Variants in CAB39 observed in about 807,000 individuals in gnomAD.
CAB39 encodes calcium-binding protein 39.
Under a neutral mutation model 40.0 loss-of-function variants are expected in CAB39, and 8 were observed. The observed-to-expected ratio is 0.20, with a 90% CI of 0.12 to 0.36. The LOEUF (loss-of-function observed/expected upper bound fraction) is 0.36, where lower values mean the gene tolerates loss of function less well. Among genes scored for constraint, CAB39 ranks in the 10% least tolerant of loss-of-function variants. CAB39 has a pLI of 1.00. For missense variants in CAB39, 270 were observed against 401.1 expected (o/e 0.67, Z 2.79); for synonymous variants, 156 against 141.6 (o/e 1.10, Z -0.72).
chr2:230,796,105 C>A (rs1436168586), intron 4 of CAB39, among the ~76,000 whole-genome samples: 1 of 152,140 alleles, frequency 6.6e-6, no homozygotes, highest in Non-Finnish European at 1.5e-5. Context: ...CGTAGGATGA[C>A]CATCTTGCTC....
intron 4 of CAB39, among the ~76,000 whole-genome samples, chr2:230,794,264 C>T (rs1048533311): frequency 1.3e-5 from 2 of 152,122 alleles, no homozygotes; most frequent in Admixed American, 6.5e-5. Context: ...TGCACGCCAG[C>T]GTTCTGTTTC....
At chr2:230,767,196 A>G (rs1445605519) in intron 2 of CAB39, among the ~76,000 whole-genome samples, 4 of 152,240 alleles carry the variant, frequency 2.6e-5, no homozygotes, top group East Asian at 1.9e-4. Context: ...GCATACTTCA[A>G]AACCTGTTCC....
intron 2 of CAB39, among the ~76,000 whole-genome samples, chr2:230,783,235 G>A (rs1695725129): frequency 6.6e-6 from 1 of 152,172 alleles, no homozygotes; most frequent in Admixed American, 6.5e-5. Context: ...TGAGACCCAA[G>A]CTCTGGACAT....
intron 2 of CAB39, among the ~76,000 whole-genome samples, chr2:230,775,142 T>C (rs540126914): frequency 1.4e-4 from 21 of 152,270 alleles, no homozygotes; most frequent in Admixed American, 1.4e-3. Context: ...TGTTAAAGAT[T>C]GGGTTTAAAG....
intron 3 of CAB39, among the ~76,000 whole-genome samples, chr2:230,792,634 T>C (rs748085982): frequency 1.3e-5 from 2 of 152,260 alleles, no homozygotes; most frequent in Non-Finnish European, 2.9e-5. Flanking sequence ...TCTGAACTAC[T>C]GTATCATGTG....
intron 5 of CAB39, among the ~76,000 whole-genome samples, chr2:230,803,216 T>G (rs1361232883): frequency 6.6e-6 from 1 of 152,208 alleles, no homozygotes; most frequent in Non-Finnish European, 1.5e-5. Context: ...CCTTTCGTGC[T>G]AAAAACTCTC....
At chr2:230,766,006 G>C (rs1289334891) in intron 2 of CAB39, among the ~76,000 whole-genome samples, 1 of 152,192 alleles carries the variant, frequency 6.6e-6, no homozygotes, top group African/African-American at 2.4e-5. Context: ...TGCTGAAATA[G>C]TTTAAGACTA....
chr2:230,788,735 A>G (rs750982244), intron 2 of CAB39, among the ~76,000 whole-genome samples: 1 of 152,196 alleles, frequency 6.6e-6, no homozygotes, highest in Non-Finnish European at 1.5e-5. Context: ...TTCCTCCACT[A>G]TCTTTTGACT....
At chr2:230,802,399 T>C (rs1403521029) in intron 5 of CAB39, among the ~76,000 whole-genome samples, 2 of 151,732 alleles carry the variant, frequency 1.3e-5, no homozygotes, top group Non-Finnish European at 2.9e-5. Flanking sequence ...AGGCAAGAAA[T>C]AACTAAGATC....
At chr2:230,761,334 C>T (rs956940160) in intron 2 of CAB39, among the ~76,000 whole-genome samples, 9 of 152,070 alleles carry the variant, frequency 5.9e-5, no homozygotes, top group Non-Finnish European at 1.2e-4. Context: ...TATATGCTAC[C>T]GATAAGCAGT....
At chr2:230,784,411 C>T (rs1466087607) in intron 2 of CAB39, among the ~76,000 whole-genome samples, 1 of 152,128 alleles carries the variant, frequency 6.6e-6, no homozygotes, top group Non-Finnish European at 1.5e-5. Context: ...AGATAGGAAT[C>T]TATGAGGCAT....
intron 1 of CAB39, among the ~76,000 whole-genome samples, chr2:230,739,644 G>A (rs1050642806): frequency 2.6e-5 from 4 of 152,144 alleles, no homozygotes; most frequent in Non-Finnish European, 4.4e-5. Context: ...ACAGGCATGC[G>A]CCACCACGCC....
rs1352977879 is a variant in CAB39, at chr2:230,748,830, AAATATATATATATATAT to A, written c.-43-11127_-43-11111del. Among the ~76,000 whole-genome samples the A allele has an allele frequency of 8.3e-4, 42 of 50,658 alleles. 2 individuals carry two copies. Among genetic ancestry groups the A allele is most frequent in the South Asian group, 5.3e-3 (9 of 1,686 alleles). The allele number at this position is 50,658 out of a possible 152,430, so 33.2% of individuals were successfully genotyped here. A position where few individuals can be genotyped will look rare whatever the true frequency, so the allele number is the denominator to read the frequency against. On this transcript the variant is annotated intron_variant, in intron 1 of 8. Transcript: ENST00000258418. Reference sequence around the variant, plus strand: ...TCCAAAAAGAAAAAAAAAAAAAAAAAAATATATATATATATATATATATATATATATATATATAACAA... The same window carrying A: ...TCCAAAAAGAAAAAAAAAAAAAAAAAATATATATATATATATATATAACAA...
rs1559622538 is a variant in CAB39 at position 230,820,325 on chromosome 2, GTTTTAAACCTTC to G, written c.*1622_*1633del. 1 of 152,150 alleles carries G rather than the reference GTTTTAAACCTTC, an allele frequency of 6.6e-6. No homozygotes were observed. The highest frequency in any genetic ancestry group is 1.5e-5 in the Non-Finnish European group (1 of 68,034). The allele number at this position is 152,150 out of a possible 1,614,324, so 9.4% of individuals were successfully genotyped here. On this transcript the variant is annotated 3_prime_UTR_variant, in exon 9 of 9. Coordinates refer to ENST00000258418, the MANE Select transcript of CAB39 (RefSeq NM_016289.4). Reference sequence around the variant, plus strand: ...GGCCTCCCAATTGCTGTTTCAGCAGGTTTTAAACCTTCAGGAACACCAGTTAGGAAAATAGCT... The same window carrying G: ...GGCCTCCCAATTGCTGTTTCAGCAGGAGGAACACCAGTTAGGAAAATAGCT...
chr2:230,772,210 G>A (rs1695493664), intron 2 of CAB39, among the ~76,000 whole-genome samples: 1 of 152,112 alleles, frequency 6.6e-6, no homozygotes, highest in South Asian at 2.1e-4. Flanking sequence ...AGAATTCTCA[G>A]AATTTAACAG....
intron 5 of CAB39, among the ~76,000 whole-genome samples, chr2:230,800,047 A>G (rs956067374): frequency 1.3e-5 from 2 of 152,110 alleles, no homozygotes; most frequent in African/African-American, 4.8e-5. Flanking sequence ...GAAAATACAT[A>G]TATACACACC....
intron 1 of CAB39, among the ~76,000 whole-genome samples, chr2:230,755,040 G>A (rs1283819090): frequency 1.3e-5 from 2 of 152,016 alleles, no homozygotes; most frequent in Non-Finnish European, 2.9e-5. Context: ...CTGAGTAGTA[G>A]TCCATCATAT....
chr2:230,817,914 A>T lies in CAB39; in HGVS notation c.837+17A>T. ...GTTTTTAAGGTAGAGTACTAGAAGC[A>T]TCAGTGATACTGTCCACTGGAATTG... On this transcript the variant is annotated intron_variant, in intron 8 of 8. Coordinates refer to ENST00000258418, the MANE Select transcript of CAB39 (RefSeq NM_016289.4). 1 of 1,603,194 alleles carries T rather than the reference A, an allele frequency of 6.2e-7. No homozygotes were observed. The highest frequency in any genetic ancestry group is 8.5e-7 in the Non-Finnish European group (1 of 1,176,268).
chr2:230,751,753 G>C (rs1425923204), intron 1 of CAB39, among the ~76,000 whole-genome samples: 1 of 152,002 alleles, frequency 6.6e-6, no homozygotes, highest in Non-Finnish European at 1.5e-5. Flanking sequence ...AGTGTCATCT[G>C]GTCTCCATCT....
Sources: allele counts gnomAD v4.1 joint callset (sites outside exome capture counted in the v4.1 genomes callset), GRCh38; gene constraint gnomAD v4.1.1; transcripts MANE v1.5; gene names NCBI Gene and HGNC (gene_info 2026-07-23, HGNC 2026-07-21).